ITGA9: variants seen among roughly 807,000 people sequenced by gnomAD.
ITGA9 encodes integrin subunit alpha 9, also known as integrin alpha-9.
A neutral mutation model predicts 127.8 loss-of-function variants in ITGA9; 56 were observed. The observed-to-expected ratio is 0.44, with a 90% CI of 0.35 to 0.55. The LOEUF (loss-of-function observed/expected upper bound fraction) is 0.55. Ranked by LOEUF, ITGA9 falls within the 20% of genes least tolerant of loss-of-function variation. The probability of loss-of-function intolerance (pLI) is 0.00; values close to 1 mark genes in which losing one functional copy is unlikely to be tolerated. For synonymous variants in ITGA9, 508 were observed against 514.5 expected (o/e 0.99, Z 0.17); for missense variants, 1,196 against 1,347.1 (o/e 0.89, Z 1.76).
intron 17 of ITGA9, among the ~76,000 whole-genome samples, chr3:37,672,306 G>A (rs868306582): frequency 8.5e-5 from 13 of 152,058 alleles, no homozygotes; most frequent in African/African-American, 2.2e-4. Context: ...TCATGGGGGC[G>A]GGTCTTTCCT....
At chr3:37,582,431 A>G (rs1025865570) in intron 15 of ITGA9, among the ~76,000 whole-genome samples, 2 of 152,226 alleles carry the variant, frequency 1.3e-5, no homozygotes, top group African/African-American at 4.8e-5. Context: ...AAGGGGAGGA[A>G]GATGGCTAAA....
chr3:37,554,652 T>A (rs1378701889), intron 15 of ITGA9, among the ~76,000 whole-genome samples: 1 of 151,948 alleles, frequency 6.6e-6, no homozygotes, highest in East Asian at 1.9e-4. Context: ...GTGGTAACAT[T>A]GTGAGAAGTG....
chr3:37,527,842 A>G (rs1227830130), intron 13 of ITGA9, among the ~76,000 whole-genome samples: 1 of 151,624 alleles, frequency 6.6e-6, no homozygotes, highest in African/African-American at 2.4e-5. Context: ...CTGGAGTGCA[A>G]TGGTGTGATC....
At chr3:37,809,088 CTT>C (rs1208683122) in intron 27 of ITGA9, among the ~76,000 whole-genome samples, 59 of 133,388 alleles carry the variant, frequency 4.4e-4, no homozygotes, top group African/African-American at 4.5e-4. Context: ...AAAATCTTTT[CTT>C]TTTTTTTTTT....
At chr3:37,545,979 C>T (rs1343330569) in intron 15 of ITGA9, among the ~76,000 whole-genome samples, 3 of 152,168 alleles carry the variant, frequency 2.0e-5, no homozygotes, top group African/African-American at 7.2e-5. Context: ...CATGTAGAAC[C>T]ATCTACCACC....
intron 4 of ITGA9, among the ~76,000 whole-genome samples, chr3:37,488,234 G>A (rs1469355591): frequency 6.6e-6 from 1 of 152,280 alleles, no homozygotes; most frequent in African/African-American, 2.4e-5. Context: ...CCTATTTCAT[G>A]AGTCTTTTAG....
At chr3:37,715,844 A>G (rs994520554) in intron 18 of ITGA9, among the ~76,000 whole-genome samples, 8 of 152,192 alleles carry the variant, frequency 5.3e-5, no homozygotes, top group Admixed American at 5.2e-4. Context: ...GGGGGACTAG[A>G]TGTTTTTGTG....
intron 27 of ITGA9, chr3:37,818,552 T>G (rs1266556877): frequency 6.1e-6 from 2 of 329,038 alleles, no homozygotes; most frequent in Non-Finnish European, 1.2e-5. Context: ...CGTGAGCCAC[T>G]GCGCCCAGCC....
At chr3:37,706,973 A>G (rs1347824996) in intron 18 of ITGA9, among the ~76,000 whole-genome samples, 2 of 152,210 alleles carry the variant, frequency 1.3e-5, no homozygotes, top group African/African-American at 4.8e-5. Context: ...TGGGGCTTCA[A>G]TCTAGACCTT....
At chr3:37,487,252 C>T (rs1698619327) in intron 4 of ITGA9, among the ~76,000 whole-genome samples, 1 of 152,050 alleles carries the variant, frequency 6.6e-6, no homozygotes, top group African/African-American at 2.4e-5. Flanking sequence ...ATAAATAGAG[C>T]AAATTAAAGA....
chr3:37,502,951 G>A (rs1339811697), intron 5 of ITGA9, among the ~76,000 whole-genome samples: 2 of 152,182 alleles, frequency 1.3e-5, no homozygotes, highest in African/African-American at 4.8e-5. Context: ...CGTGAATTCT[G>A]TCACCTTGCT....
chr3:37,482,642 G>C (rs937274490), intron 4 of ITGA9, among the ~76,000 whole-genome samples: 7 of 152,154 alleles, frequency 4.6e-5, no homozygotes, highest in African/African-American at 1.7e-4. Flanking sequence ...CACTAAAAAG[G>C]ATTCATGAGA....
rs375024855 is a variant in ITGA9, at chr3:37,498,718, G to A, written c.612+4150G>A. ...GAGTGGGAAGGCAGCCCCTCTGGGC[G>A]CCACTCTGTCCTCTGACCCCGGCCT... On this transcript the variant is annotated intron_variant, in intron 5 of 27. Transcript: ENST00000264741. Among the ~76,000 whole-genome samples, 18 of 152,172 alleles carry A rather than the reference G, an allele frequency of 1.2e-4. No homozygotes were observed. The East Asian group carries it at 2.7e-3, about 23-fold the overall frequency.
intron 15 of ITGA9, among the ~76,000 whole-genome samples, chr3:37,626,062 C>T (rs7641540): frequency 0.78 from 118,461 of 152,188 alleles, 46,379 homozygotes; most frequent in East Asian, 0.89. Flanking sequence ...TTTCCCTCCT[C>T]AGCCACCATG....
intron 25 of ITGA9, among the ~76,000 whole-genome samples, chr3:37,783,783 T>C (rs1697006578): frequency 6.6e-6 from 1 of 152,242 alleles, no homozygotes; most frequent in African/African-American, 2.4e-5. Flanking sequence ...AGTAACTCTT[T>C]TGAATGACAA....
chr3:37,580,618 G>A (rs1210051901), intron 15 of ITGA9, among the ~76,000 whole-genome samples: 1 of 152,166 alleles, frequency 6.6e-6, no homozygotes, highest in Non-Finnish European at 1.5e-5. Flanking sequence ...GTTCGCCAGA[G>A]CATCCATTAT....
At chr3:37,796,942 T>G (rs1235401546) in intron 26 of ITGA9, among the ~76,000 whole-genome samples, 1 of 152,100 alleles carries the variant, frequency 6.6e-6, no homozygotes, top group Non-Finnish European at 1.5e-5. Context: ...GACTCTGAAG[T>G]ATACAGCTGT....
intron 2 of ITGA9, among the ~76,000 whole-genome samples, chr3:37,471,390 T>C (rs1529428): frequency 0.026 from 3,967 of 152,122 alleles, 161 homozygotes; most frequent in African/African-American, 0.086. Flanking sequence ...AGACAAGTAA[T>C]TGAGAGAGAA....
In ITGA9 at chr3:37,567,184, C is replaced by T. The variant is rs190147847; in HGVS notation, c.1689+24599C>T. On this transcript the variant is annotated intron_variant, in intron 15 of 27. Coordinates refer to ENST00000264741, the MANE Select transcript of ITGA9 (RefSeq NM_002207.3). ...GAAGCCTTGCAATCATAGCAGAAAG[C>T]GAAAGGCACGTCTTACATGGATGGT... Among the ~76,000 whole-genome samples the T allele has an allele frequency of 1.3e-4, 20 of 152,222 alleles. No homozygotes were observed. In the East Asian group the frequency reaches 2.7e-3, roughly 21 times the overall value.
Sources: gnomAD v4.1 joint callset for allele counts (sites outside exome capture counted in the v4.1 genomes callset) on GRCh38, gnomAD v4.1.1 for gene constraint, MANE v1.5 for transcripts, NCBI Gene and HGNC (gene_info 2026-07-23, HGNC 2026-07-21) for gene names.